TLL1: variants seen among roughly 807,000 people sequenced by gnomAD.
TLL1 encodes tolloid-like protein 1.
TLL1 carries 49 observed loss-of-function variants against 128.2 expected under a neutral mutation model. That is an observed-to-expected ratio of 0.38 (90% CI 0.30 to 0.48). The LOEUF (loss-of-function observed/expected upper bound fraction) is 0.48, where lower values mean the gene tolerates loss of function less well. TLL1 is among the 20% of genes least tolerant of loss of function. TLL1 has a pLI of 0.96. For missense variants in TLL1, 1,123 were observed against 1,242.0 expected (o/e 0.90, Z 1.44); for synonymous variants, 454 against 418.8 (o/e 1.08, Z -1.03).
chr4:166,103,730 T>C lies in TLL1; in HGVS notation c.*2854T>C, dbSNP rs1742387146. 6.6e-6 allele frequency: 1 copy of C among 151,784 alleles called. No homozygotes were observed. The highest frequency in any genetic ancestry group is 1.5e-5 in the Non-Finnish European group (1 of 67,842). 9.4% of individuals were successfully genotyped at this position (151,784 alleles called of 1,614,324 possible). A position where few individuals can be genotyped will look rare whatever the true frequency, so the allele number is the denominator to read the frequency against. ...TCATTGTTGTATTGTTAATAATTGTTACTTACTGCTCCAGGCATTTTATTA... is the reference window on the plus strand; with the variant it reads ...TCATTGTTGTATTGTTAATAATTGTCACTTACTGCTCCAGGCATTTTATTA... On this transcript the variant is annotated 3_prime_UTR_variant, in exon 21 of 21. Transcript: ENST00000061240.
chr4:165,920,612 G>A (rs892839123), intron 1 of TLL1, among the ~76,000 whole-genome samples: 1 of 151,996 alleles, frequency 6.6e-6, no homozygotes, highest in Non-Finnish European at 1.5e-5. Context: ...GTATTAAGAT[G>A]GAATTTTCAT....
At chr4:166,020,842 A>G (rs1053101772) in intron 8 of TLL1, among the ~76,000 whole-genome samples, 2 of 152,168 alleles carry the variant, frequency 1.3e-5, no homozygotes, top group Non-Finnish European at 2.9e-5. Flanking sequence ...AGGGATTTTG[A>G]GGATTAGAAT....
chr4:165,931,718 C>CAAAAAAAAAAAAAAAG (rs761214388), intron 1 of TLL1, among the ~76,000 whole-genome samples: 19 of 133,540 alleles, frequency 1.4e-4, no homozygotes, highest in South Asian at 5.1e-4. Flanking sequence ...GACTCTGTCT[C>CAAAAAAAAAAAAAAAG]AAAAGAAAAA....
At chr4:165,959,192 C>T (rs1226394675) in intron 1 of TLL1, among the ~76,000 whole-genome samples, 6 of 152,002 alleles carry the variant, frequency 3.9e-5, no homozygotes, top group East Asian at 3.9e-4. Flanking sequence ...CTTGGCGATG[C>T]GGGCTTTTTT....
rs578242360 is a variant in TLL1, at chr4:166,064,688, A to G, written c.2008-995A>G. 3.3e-5 allele frequency among the ~76,000 whole-genome samples: 5 copies of G among 152,262 alleles called. No homozygotes were observed. In the East Asian group the frequency reaches 9.6e-4, roughly 29 times the overall value. On this transcript the variant is annotated intron_variant, in intron 15 of 20. Transcript: ENST00000061240. ...ATTCATTATATTGCTATTCCAAAGGAAAGTCAATGACAACATCTTTAGCCT... is the reference window on the plus strand; with the variant it reads ...ATTCATTATATTGCTATTCCAAAGGGAAGTCAATGACAACATCTTTAGCCT...
At chr4:166,054,997 C>A in intron 12 of TLL1, 79 bp from the exon 13 acceptor site, 3 of 1,154,822 alleles carry the variant, frequency 2.6e-6, no homozygotes, top group Non-Finnish European at 2.5e-6. Context: ...AGAAGTATGG[C>A]ACTGAGAAGA....
At chr4:165,922,843 T>A (rs1733094493) in intron 1 of TLL1, among the ~76,000 whole-genome samples, 1 of 152,220 alleles carries the variant, frequency 6.6e-6, no homozygotes, top group African/African-American at 2.4e-5. Context: ...TAGAGCCTAA[T>A]CTTACTGAGG....
intron 15 of TLL1, among the ~76,000 whole-genome samples, chr4:166,064,559 T>A (rs753235911): frequency 5.3e-5 from 8 of 152,096 alleles, no homozygotes; most frequent in Admixed American, 1.3e-4. Flanking sequence ...GTTACAGAAT[T>A]CTCTGTATTT....
At chr4:165,898,767 C>T (rs1731811699) in intron 1 of TLL1, among the ~76,000 whole-genome samples, 3 of 152,144 alleles carry the variant, frequency 2.0e-5, no homozygotes, top group Admixed American at 1.3e-4. Context: ...AGGAATCCCT[C>T]CTTTTCTATT....
intron 1 of TLL1, among the ~76,000 whole-genome samples, chr4:165,955,321 G>T (rs559692176): frequency 4.6e-5 from 7 of 152,124 alleles, no homozygotes; most frequent in African/African-American, 1.2e-4. Context: ...TGACTTATTG[G>T]CATTCCTGAG....
intron 5 of TLL1, among the ~76,000 whole-genome samples, chr4:166,001,169 C>A (rs530904067): frequency 3.3e-5 from 5 of 152,024 alleles, no homozygotes; most frequent in Non-Finnish European, 7.4e-5. Context: ...TTTTCTCTTC[C>A]AATTTAATAT....
chr4:165,940,896 C>T (rs930507430), intron 1 of TLL1, among the ~76,000 whole-genome samples: 7 of 151,968 alleles, frequency 4.6e-5, no homozygotes, highest in African/African-American at 1.4e-4. Context: ...CTATTTCTTC[C>T]TAGGCTGTTC....
intron 13 of TLL1, 95 bp from the exon 14 acceptor site, chr4:166,057,089 A>G: frequency 7.0e-7 from 1 of 1,429,788 alleles, no homozygotes; most frequent in South Asian, 1.2e-5. Flanking sequence ...GATATCATTC[A>G]AGGTGAGATT....
At chr4:166,077,357 A>G (rs905534713) in intron 17 of TLL1, among the ~76,000 whole-genome samples, 1 of 152,094 alleles carries the variant, frequency 6.6e-6, no homozygotes, top group Admixed American at 6.6e-5. Context: ...ATTTGCTTTG[A>G]TAAAATTAGG....
intron 2 of TLL1, among the ~76,000 whole-genome samples, chr4:165,990,387 G>A (rs900019871): frequency 6.6e-6 from 1 of 151,780 alleles, no homozygotes; most frequent in Admixed American, 6.6e-5. Context: ...GGTCCTTTCT[G>A]ATATCAAATG....
At chr4:166,029,309 AT>A (rs1287274435) in intron 9 of TLL1, among the ~76,000 whole-genome samples, 2 of 152,072 alleles carry the variant, frequency 1.3e-5, no homozygotes, top group Non-Finnish European at 2.9e-5. Flanking sequence ...AAAGGATCTT[AT>A]CCCAATTCAA....
intron 15 of TLL1, among the ~76,000 whole-genome samples, chr4:166,063,856 G>T (rs1740452720): frequency 6.6e-6 from 1 of 152,070 alleles, no homozygotes; most frequent in Non-Finnish European, 1.5e-5. Flanking sequence ...TAAGGTGGGG[G>T]GAGGGGGAAG....
chr4:165,973,355 ACCATCCCAG>A lies in TLL1; in HGVS notation c.170-16025_170-16017del. Among the ~76,000 whole-genome samples the A allele has an allele frequency of 2.0e-5, 3 of 151,878 alleles. No individual in the cohort carries two copies. The South Asian group carries it at 6.3e-4, about 32-fold the overall frequency. On this transcript the variant is annotated intron_variant, in intron 1 of 20. Coordinates refer to ENST00000061240, the MANE Select transcript of TLL1 (RefSeq NM_012464.5). ...CCAGGATTTCCTATCCTGGGATAGC[ACCATCCCAG>A]GATGGTGCTATCAAATAAATAAACT...
chr4:166,062,694 A>T (rs1033615822), intron 15 of TLL1, among the ~76,000 whole-genome samples: 5 of 152,044 alleles, frequency 3.3e-5, no homozygotes, highest in African/African-American at 7.2e-5. Flanking sequence ...TCTTTTCCTA[A>T]TTGAATACCC....
Sources: allele counts gnomAD v4.1 joint callset (sites outside exome capture counted in the v4.1 genomes callset), GRCh38; gene constraint gnomAD v4.1.1; transcripts MANE v1.5; gene names NCBI Gene and HGNC (gene_info 2026-07-23, HGNC 2026-07-21).